The following ZC3H12B variants were observed in gnomAD, a reference collection of about 807,000 sequenced individuals.
The protein encoded by ZC3H12B is probable ribonuclease ZC3H12B.
In ZC3H12B, 7 loss-of-function variants were observed where a neutral mutation model predicts 43.9. That is an observed-to-expected ratio of 0.16 (90% CI 0.09 to 0.30). The LOEUF is 0.30. Ranked by LOEUF, ZC3H12B falls within the 10% of genes least tolerant of loss-of-function variation. ZC3H12B has a pLI of 1.00. For synonymous variants in ZC3H12B, 222 were observed against 241.7 expected, an observed-to-expected ratio of 0.92 and a Z score of 0.76; for missense variants, 475 against 670.2, an observed-to-expected ratio of 0.71 and a Z score of 3.22.
the ZC3H12B span, among the ~76,000 whole-genome samples, chrX:65,110,070 CTT>C: frequency 9.0e-6 from 1 of 111,060 alleles, no homozygotes; most frequent in Admixed American, 9.6e-5. Flanking sequence ...TGTTGATCAT[CTT>C]TTTATGTGCG....
intron 2 of ZC3H12B, among the ~76,000 whole-genome samples, chrX:65,378,470 CAA>C (rs903885055): frequency 9.2e-6 from 1 of 108,605 alleles, no homozygotes; most frequent in Non-Finnish European, 1.9e-5. Flanking sequence ...ACAACAGATA[CAA>C]AAAAAAATTA....
chrX:65,073,320 G>A, the ZC3H12B span, among the ~76,000 whole-genome samples: 1 of 112,356 alleles, frequency 8.9e-6, no homozygotes, highest in Admixed American at 9.3e-5. Flanking sequence ...GTGGAGTGTG[G>A]GAGGGGACAG....
At chrX:65,251,531 G>A in the ZC3H12B span, among the ~76,000 whole-genome samples, 7 of 111,359 alleles carry the variant, frequency 6.3e-5, no homozygotes, top group African/African-American at 9.8e-5. Context: ...ACCTTGGACC[G>A]TATGGCCATT....
the ZC3H12B span, among the ~76,000 whole-genome samples, chrX:65,094,697 C>T: frequency 1.8e-5 from 2 of 112,209 alleles, no homozygotes; most frequent in Non-Finnish European, 3.8e-5. Context: ...ATTAAAAAGT[C>T]AGTTTCCATT....
At chrX:65,045,813 A>G in the ZC3H12B span, among the ~76,000 whole-genome samples, 3 of 112,396 alleles carry the variant, frequency 2.7e-5, no homozygotes, top group African/African-American at 9.7e-5. Flanking sequence ...TTTCTTAAAT[A>G]GTAAAACTTG....
chrX:65,390,393 T>A (rs1338996419), intron 2 of ZC3H12B, among the ~76,000 whole-genome samples: 1 of 110,142 alleles, frequency 9.1e-6, no homozygotes, highest in Non-Finnish European at 1.9e-5. Flanking sequence ...ACCCTAGAAC[T>A]TAAAGTATAA....
the ZC3H12B span, among the ~76,000 whole-genome samples, chrX:65,133,374 G>A: frequency 6.3e-5 from 7 of 110,302 alleles, no homozygotes; most frequent in South Asian, 8.2e-4. Context: ...AATGCACACC[G>A]AGAATAAGAT....
the ZC3H12B span, among the ~76,000 whole-genome samples, chrX:65,192,735 A>G: frequency 2.7e-5 from 3 of 109,854 alleles, no homozygotes; most frequent in Middle Eastern, 0.014. Context: ...ATGTTGTTTA[A>G]TTTGTTTTGC....
chrX:65,326,595 AT>A, the ZC3H12B span, among the ~76,000 whole-genome samples: 9 of 109,537 alleles, frequency 8.2e-5, no homozygotes, highest in Non-Finnish European at 1.1e-4. Context: ...TGTTAGATAG[AT>A]TGTCAGCATG....
intron 2 of ZC3H12B, among the ~76,000 whole-genome samples, chrX:65,393,213 C>G (rs1395817503): frequency 9.0e-6 from 1 of 110,817 alleles, no homozygotes; most frequent in East Asian, 2.8e-4. Flanking sequence ...GCCAAATCCC[C>G]CTCTCTGAGA....
the ZC3H12B span, among the ~76,000 whole-genome samples, chrX:65,321,210 A>G: frequency 8.9e-6 from 1 of 112,063 alleles, no homozygotes; most frequent in African/African-American, 3.2e-5. Flanking sequence ...AAAAAACTCA[A>G]TTAAAAAGTG....
the ZC3H12B span, among the ~76,000 whole-genome samples, chrX:65,196,046 G>A: frequency 9.0e-6 from 1 of 111,593 alleles, no homozygotes; most frequent in African/African-American, 3.3e-5. Context: ...AGCTAGACTG[G>A]CAGAGCAGAA....
At chrX:65,124,787 T>C in the ZC3H12B span, among the ~76,000 whole-genome samples, 2 of 111,041 alleles carry the variant, frequency 1.8e-5, no homozygotes, top group African/African-American at 6.5e-5. Flanking sequence ...GTGTTAATAG[T>C]AGCCTTCAAA....
At chrX:65,293,581 T>C in the ZC3H12B span, among the ~76,000 whole-genome samples, 3 of 106,740 alleles carry the variant, frequency 2.8e-5, no homozygotes, top group Non-Finnish European at 5.8e-5. Context: ...GAAAGGTGAA[T>C]ACCAACTTAA....
At chrX:65,212,143 T>C in the ZC3H12B span, among the ~76,000 whole-genome samples, 1 of 55,145 alleles carries the variant, frequency 1.8e-5, no homozygotes, top group Admixed American at 3.8e-4. Flanking sequence ...ATATATTATA[T>C]TAACATTATA....
chrX:65,352,527 T>A, the ZC3H12B span, among the ~76,000 whole-genome samples: 1 of 110,416 alleles, frequency 9.1e-6, no homozygotes, highest in East Asian at 2.8e-4. Context: ...CGGGTATAGG[T>A]TTCTTTTCGG....
chrX:65,036,195 G>C, the ZC3H12B span, among the ~76,000 whole-genome samples: 4 of 111,732 alleles, frequency 3.6e-5, no homozygotes, highest in Non-Finnish European at 5.6e-5. Context: ...TTTGATGAAT[G>C]AGGTTGTTTT....
At chrX:65,362,208 A>G (rs1409826704), upstream of ZC3H12B, among the ~76,000 whole-genome samples, 1 of 111,636 alleles carries the variant, frequency 9.0e-6, no homozygotes, top group Non-Finnish European at 1.9e-5. Flanking sequence ...CGATCGCCTC[A>G]AAAGCCTACA....
chrX:65,213,863 T>C, the ZC3H12B span, among the ~76,000 whole-genome samples: 1 of 107,225 alleles, frequency 9.3e-6, no homozygotes, highest in Non-Finnish European at 1.9e-5. Flanking sequence ...ATAAAGTAAA[T>C]CATTTGAAGG....
Sources: allele counts gnomAD v4.1 joint callset (sites outside exome capture counted in the v4.1 genomes callset), GRCh38; gene constraint gnomAD v4.1.1; transcripts MANE v1.5; gene names NCBI Gene and HGNC (gene_info 2026-07-23, HGNC 2026-07-21).